Variants in CACNG3 observed in about 807,000 individuals in gnomAD.
CACNG3 encodes the protein voltage-dependent calcium channel gamma-3 subunit.
A neutral mutation model predicts 28.5 loss-of-function variants in CACNG3; 3 were observed. The ratio of observed to expected loss-of-function variants is 0.11; its 90% confidence interval spans 0.05 to 0.27. CACNG3 has a LOEUF of 0.27. Ranked by LOEUF, CACNG3 falls within the 10% of genes least tolerant of loss-of-function variation. CACNG3 has a pLI of 1.00. For missense variants in CACNG3, 236 were observed against 414.4 expected (o/e 0.57, Z 3.74); for synonymous variants, 174 against 162.2 (o/e 1.07, Z -0.55).
intron 1 of CACNG3, among the ~76,000 whole-genome samples, chr16:24,335,188 G>A (rs1899685820): frequency 6.6e-6 from 1 of 152,170 alleles, no homozygotes; most frequent in Non-Finnish European, 1.5e-5. Context: ...GGGAGGCTGA[G>A]GCAGGCAGAT....
chr16:24,284,021 T>C (rs1898863172), intron 1 of CACNG3, among the ~76,000 whole-genome samples: 1 of 152,212 alleles, frequency 6.6e-6, no homozygotes, highest in Non-Finnish European at 1.5e-5. Flanking sequence ...AGATTATAAG[T>C]TTTATCCTCT....
chr16:24,312,978 GAAAT>G (rs1221755737), intron 1 of CACNG3, among the ~76,000 whole-genome samples: 13 of 139,374 alleles, frequency 9.3e-5, no homozygotes, highest in African/African-American at 3.3e-4. Flanking sequence ...AAGAAAGAAA[GAAAT>G]AAAAGAAAGA....
chr16:24,301,804 C>T (rs1408330814), intron 1 of CACNG3, among the ~76,000 whole-genome samples: 1 of 152,152 alleles, frequency 6.6e-6, no homozygotes, highest in Non-Finnish European at 1.5e-5. Flanking sequence ...TTCTATTCAT[C>T]GGCAACAAAA....
At chr16:24,292,859 C>T (rs559987241) in intron 1 of CACNG3, among the ~76,000 whole-genome samples, 1 of 152,130 alleles carries the variant, frequency 6.6e-6, no homozygotes, top group South Asian at 2.1e-4. Context: ...GGGAAAAGAG[C>T]CTAAACTCCC....
intron 1 of CACNG3, among the ~76,000 whole-genome samples, chr16:24,324,014 T>C (rs1312937190): frequency 6.6e-6 from 1 of 152,206 alleles, no homozygotes; most frequent in Non-Finnish European, 1.5e-5. Flanking sequence ...GAACTCCTGA[T>C]CTGCCTGCCT....
chr16:24,269,990 T>G (rs1157179395), intron 1 of CACNG3, among the ~76,000 whole-genome samples: 3 of 152,066 alleles, frequency 2.0e-5, no homozygotes, highest in Non-Finnish European at 1.5e-5. Flanking sequence ...TGTATGGACA[T>G]ATTGTGCACA....
At chr16:24,349,245 G>T (rs1303736381) in intron 2 of CACNG3, among the ~76,000 whole-genome samples, 2 of 152,186 alleles carry the variant, frequency 1.3e-5, no homozygotes, top group Non-Finnish European at 2.9e-5. Context: ...ATGCTCTTTG[G>T]GGTAGGCTAC....
intron 2 of CACNG3, among the ~76,000 whole-genome samples, chr16:24,349,806 C>T (rs1020272062): frequency 5.9e-5 from 9 of 152,132 alleles, no homozygotes; most frequent in Non-Finnish European, 2.9e-5. Flanking sequence ...CTTGGAAATG[C>T]AGCCCAGCAG....
intron 1 of CACNG3, among the ~76,000 whole-genome samples, chr16:24,324,797 T>C (rs1899518322): frequency 6.6e-6 from 1 of 152,142 alleles, no homozygotes; most frequent in Non-Finnish European, 1.5e-5. Context: ...TGTTCCTCCA[T>C]GCCCCAGCTT....
In CACNG3 at chr16:24,357,235, A is replaced by T. The variant is rs1488136997; in HGVS notation, c.436+2262A>T. The stretch of plus-strand genomic sequence containing the variant: ...GTGACTGAGTGACACTCCATCTTAA[A>T]AAAAAAAAAAAAAAAAAAGCCATCA... On this transcript the variant is annotated intron_variant, in intron 3 of 3. Transcript: ENST00000005284. Among the ~76,000 whole-genome samples, 4 of 33,980 alleles carry T rather than the reference A, an allele frequency of 1.2e-4. No homozygotes were observed. In the Admixed American group the frequency reaches 1.2e-3, roughly 10 times the overall value. 22.3% of individuals were successfully genotyped at this position (33,980 alleles called of 152,430 possible). A position where few individuals can be genotyped will look rare whatever the true frequency, so the allele number is the denominator to read the frequency against.
chr16:24,331,038 G>A (rs1199939265), intron 1 of CACNG3, among the ~76,000 whole-genome samples: 1 of 151,830 alleles, frequency 6.6e-6, no homozygotes, highest in Non-Finnish European at 1.5e-5. Flanking sequence ...CTCTCTCTCT[G>A]TACCCCTGCT....
intron 1 of CACNG3, among the ~76,000 whole-genome samples, chr16:24,311,622 C>G (rs1219829005): frequency 6.6e-6 from 1 of 151,904 alleles, no homozygotes; most frequent in African/African-American, 2.4e-5. Flanking sequence ...TTGGGAGGCC[C>G]AGGCAGGCAG....
intron 1 of CACNG3, among the ~76,000 whole-genome samples, chr16:24,315,333 G>A (rs1457256625): frequency 3.3e-5 from 5 of 151,738 alleles, no homozygotes; most frequent in African/African-American, 1.2e-4. Context: ...GGACTCCTGG[G>A]GTTTACTTCC....
At chr16:24,269,399 C>G (rs1898654939) in intron 1 of CACNG3, among the ~76,000 whole-genome samples, 3 of 152,074 alleles carry the variant, frequency 2.0e-5, no homozygotes, top group Admixed American at 1.3e-4. Context: ...TCCTATAATT[C>G]CAGCCTCAAT....
rs1898939747 is a variant in CACNG3 at position 24,289,614 on chromosome 16, A to G, written c.211+32649A>G. Among the ~76,000 whole-genome samples the G allele has an allele frequency of 2.0e-5, 3 of 152,148 alleles. No homozygotes were observed. In the South Asian group the frequency reaches 6.2e-4, roughly 32 times the overall value. On this transcript the variant is annotated intron_variant, in intron 1 of 3. Transcript: ENST00000005284. ...CCTTCATGCCTGGGTCTCCATCCCC[A>G]TTCTAGCTCCCTACAGGGTTCACTC... is the stretch of plus-strand genomic sequence containing the variant.
intron 2 of CACNG3, among the ~76,000 whole-genome samples, chr16:24,349,147 T>C (rs1309520807): frequency 3.9e-5 from 6 of 152,252 alleles, no homozygotes. Context: ...TGGTGTTCAC[T>C]CTGCCTGCCG....
intron 1 of CACNG3, among the ~76,000 whole-genome samples, chr16:24,322,442 C>T (rs775800185): frequency 5.9e-5 from 9 of 151,976 alleles, no homozygotes; most frequent in Non-Finnish European, 8.8e-5. Flanking sequence ...CCCCTCCCCA[C>T]TAAACACACT....
chr16:24,278,515 C>T (rs578212627), intron 1 of CACNG3, among the ~76,000 whole-genome samples: 156 of 152,200 alleles, frequency 1.0e-3, no homozygotes, highest in Non-Finnish European at 1.8e-3. Context: ...ACTTGGGAGG[C>T]TGAGGCAGGA....
chr16:24,281,634 G>A (rs551758204), intron 1 of CACNG3, among the ~76,000 whole-genome samples: 1 of 152,200 alleles, frequency 6.6e-6, no homozygotes, highest in South Asian at 2.1e-4. Flanking sequence ...GCAGACAAAG[G>A]GTCCCCGAAA....
Sources: allele counts gnomAD v4.1 joint callset (sites outside exome capture counted in the v4.1 genomes callset), GRCh38; gene constraint gnomAD v4.1.1; transcripts MANE v1.5; gene names NCBI Gene and HGNC (gene_info 2026-07-23, HGNC 2026-07-21).